NGFR: variants seen among roughly 807,000 people sequenced by gnomAD.
The protein encoded by NGFR is nerve growth factor receptor, also known as tumor necrosis factor receptor superfamily member 16.
A neutral mutation model predicts 43.2 loss-of-function variants in NGFR; 30 were observed. That is an observed-to-expected ratio of 0.69 (90% CI 0.52 to 0.94). NGFR has a LOEUF of 0.94. NGFR is among the 40% of genes least tolerant of loss of function. The pLI is 0.00. For missense variants in NGFR, 529 were observed against 602.5 expected (o/e 0.88, Z 1.28); for synonymous variants, 246 against 259.6 (o/e 0.95, Z 0.50).
At chr17:49,497,633 T>G (rs1678895407) in intron 1 of NGFR, 1 of 152,118 alleles carries the variant, frequency 6.6e-6, no homozygotes, top group African/African-American at 2.4e-5. Flanking sequence ...GCGGTCCGAG[T>G]TTCTTCCTGG....
At chr17:49,510,013 C>T (rs2071221394) in intron 3 of NGFR, among the ~76,000 whole-genome samples, 1 of 152,098 alleles carries the variant, frequency 6.6e-6, no homozygotes, top group African/African-American at 2.4e-5. Flanking sequence ...TGTGGTCAGG[C>T]TTCTTTGTGT....
In NGFR at chr17:49,512,959, G is replaced by A. The variant is rs775966498; in HGVS notation, c.1234G>A (p.Asp412Asn). The change falls in exon 6 of 6, where the codon GAC becomes AAC. Residue 412 changes from aspartate (D) to asparagine (N), a missense_variant. Asp to Asn is a conservative substitution (Grantham distance 23). Coordinates refer to ENST00000172229, the MANE Select transcript of NGFR (RefSeq NM_002507.4). The surrounding 1 kb of genome is among the most constrained non-coding windows in gnomAD (Gnocchi z 5.2). ...CGCCCTGCGCCGCATCCAGCGAGCC[G>A]ACCTCGTGGAGAGTCTGTGCAGTGA... ...LAALRRIQRA[D>N]LVESLCSEST... 11 of 1,607,776 alleles carry A rather than the reference G, an allele frequency of 6.8e-6. No homozygotes were observed. The East Asian group carries it at 8.9e-5, about 13-fold the overall frequency.
Position 49,512,563 on chromosome 17 carries a change from T to C in NGFR, c.983-145T>C. The C allele has an allele frequency of 9.6e-7, 1 of 1,044,524 alleles. No homozygotes were observed. Among genetic ancestry groups the C allele is most frequent in the Non-Finnish European group, 1.4e-6 (1 of 721,852 alleles). The allele number at this position is 1,044,524 out of a possible 1,614,324, so 64.7% of individuals were successfully genotyped here. The stretch of plus-strand genomic sequence containing the variant: ...CCCCCCAGGTGCCTTCACTTCCTGG[T>C]GCCCCACCCAGGACCTTGTCTTGGC... On this transcript the variant is annotated intron_variant, in intron 5 of 5. Coordinates refer to ENST00000172229, the MANE Select transcript of NGFR (RefSeq NM_002507.4). The surrounding 1 kb of genome is among the most constrained non-coding windows in gnomAD (Gnocchi z 5.2).
Position 49,506,249 on chromosome 17 carries a change from C to A in NGFR, c.209-50C>A, listed in dbSNP as rs1185388203. 3.3e-6 allele frequency: 5 copies of A among 1,508,906 alleles called. No homozygotes were observed. The African/African-American group carries it at 6.9e-5, about 21-fold the overall frequency. The allele number at this position is 1,508,906 out of a possible 1,614,324, so 93.5% of individuals were successfully genotyped here. On this transcript the variant is annotated intron_variant, in intron 2 of 5. Coordinates refer to ENST00000172229, the MANE Select transcript of NGFR (RefSeq NM_002507.4). ...AGGGAGAGACTCCAGCTCCTGCGTC[C>A]CGGGTGCCCAAAAGAGCAGACGACT...
intron 2 of NGFR, chr17:49,505,844 G>C (rs2071193104): frequency 6.1e-6 from 1 of 163,078 alleles, no homozygotes; most frequent in Admixed American, 6.3e-5. Context: ...AGGAACTGAA[G>C]GCAGATGAGG....
Position 49,513,097 on chromosome 17 carries a change from G to T in NGFR, c.*88G>T, listed in dbSNP as rs549229946. ...GTGGAGCCCGCACCCCCACCCTTTG[G>T]GGGGGGCCCGCCTGGCAGAACTGAG... On this transcript the variant is annotated 3_prime_UTR_variant, in exon 6 of 6. Coordinates refer to ENST00000172229, the MANE Select transcript of NGFR (RefSeq NM_002507.4). The T allele has an allele frequency of 1.1e-3, 1,460 of 1,366,120 alleles. No homozygotes were observed. Among genetic ancestry groups the T allele is most frequent in the Non-Finnish European group, 1.2e-3 (1,278 of 1,035,662 alleles). The allele number at this position is 1,366,120 out of a possible 1,614,324, so 84.6% of individuals were successfully genotyped here.
At chr17:49,510,930 C>T in intron 4 of NGFR, 1 of 491,208 alleles carries the variant, frequency 2.0e-6, no homozygotes, top group South Asian at 2.3e-5. Context: ...CCCTGACTCC[C>T]CACCCCCAAC....
At position 49,506,466 on chromosome 17, in the gene NGFR, C is replaced by T. The variant is rs1395979908; in HGVS notation, c.376C>T (p.Arg126Cys). 4 of 1,609,524 alleles carry T rather than the reference C, an allele frequency of 2.5e-6. No individual in the cohort carries two copies. In the African/African-American group the frequency reaches 4.0e-5, roughly 16 times the overall value. ...GACGACTGGGCGCTGCGAGGCGTGC[C>T]GCGTGTGCGAGGCGGGCTCGGGCCT... ...DETTGRCEAC[R>C]VCEAGSGLVF... The change falls in exon 3 of 6, where the codon CGC becomes TGC. Residue 126 changes from arginine (R) to cysteine (C), a missense_variant. Coordinates refer to ENST00000172229, the MANE Select transcript of NGFR (RefSeq NM_002507.4).
In NGFR at chr17:49,495,625, C is replaced by T. The variant is rs1839308551; in HGVS notation, c.66+142C>T. The T allele has an allele frequency of 1.4e-6, 1 of 732,778 alleles. No homozygotes were observed. Among genetic ancestry groups the T allele is most frequent in the Non-Finnish European group, 1.9e-6 (1 of 530,270 alleles). 45.4% of individuals were successfully genotyped at this position (732,778 alleles called of 1,614,324 possible). Reference sequence around the variant, plus strand: ...GGTGGTGGGAAAGGACCTCTGATGCCGGGACCACGAAGGAGGGTCTAGGGT... The same window carrying T: ...GGTGGTGGGAAAGGACCTCTGATGCTGGGACCACGAAGGAGGGTCTAGGGT... On this transcript the variant is annotated intron_variant, in intron 1 of 5. Coordinates refer to ENST00000172229, the MANE Select transcript of NGFR (RefSeq NM_002507.4). This position sits in a 1 kb window ranked among gnomAD's most constrained non-coding sequence, Gnocchi z 6.4.
intron 3 of NGFR, among the ~76,000 whole-genome samples, chr17:49,508,148 G>A (rs2071210672): frequency 1.3e-5 from 2 of 152,264 alleles, no homozygotes; most frequent in Admixed American, 1.3e-4. Flanking sequence ...CCAGGAGACA[G>A]GCAAGTGGCA....
chr17:49,508,237 TC>T (rs1414768163), intron 3 of NGFR, among the ~76,000 whole-genome samples: 6 of 152,124 alleles, frequency 3.9e-5, no homozygotes, highest in Non-Finnish European at 8.8e-5. Flanking sequence ...TGTAGGCAAG[TC>T]CAGACCAGCC....
intron 2 of NGFR, among the ~76,000 whole-genome samples, chr17:49,503,940 G>T (rs1280700670): frequency 1.3e-5 from 2 of 152,178 alleles, no homozygotes; most frequent in Non-Finnish European, 2.9e-5. Flanking sequence ...GGAGAGGGAA[G>T]TTCCAGAATC....
intron 1 of NGFR, among the ~76,000 whole-genome samples, chr17:49,500,309 A>G (rs951730787): frequency 3.9e-5 from 6 of 152,208 alleles, no homozygotes; most frequent in African/African-American, 1.4e-4. Flanking sequence ...TCGCTCTCCC[A>G]GAGTTCTGGT....
chr17:49,506,196 A>G (rs1198619737), intron 2 of NGFR, 103 bp from the exon 3 acceptor site: 1 of 1,488,202 alleles, frequency 6.7e-7, no homozygotes, highest in Non-Finnish European at 8.9e-7. Context: ...CTGAAGGAGG[A>G]AGTCAGCGTC....
At chr17:49,500,913 C>A (rs2071163673) in intron 1 of NGFR, among the ~76,000 whole-genome samples, 1 of 152,154 alleles carries the variant, frequency 6.6e-6, no homozygotes, top group South Asian at 2.1e-4. Flanking sequence ...AGTGTCTTGG[C>A]CATGATCTGG....
At chr17:49,501,999 A>AGGGGGGGCC in intron 1 of NGFR, 64 bp from the exon 2 acceptor site, 3 of 330,984 alleles carry the variant, frequency 9.1e-6, no homozygotes, top group Non-Finnish European at 1.2e-5. Flanking sequence ...TCCCCGGAAG[A>AGGGGGGGCC]ACCCCCCCCA....
At chr17:49,498,312 C>G (rs1312515443) in intron 1 of NGFR, among the ~76,000 whole-genome samples, 1 of 152,210 alleles carries the variant, frequency 6.6e-6, no homozygotes, top group Non-Finnish European at 1.5e-5. Context: ...ACGCAGAGGC[C>G]CTGCCCCCTC....
chr17:49,495,602 T>C lies in NGFR; in HGVS notation c.66+119T>C. ...TGGGGTCCCAGATACTGAGGGTGGG[T>C]GGTGGGAAAGGACCTCTGATGCCGG... is the stretch of plus-strand genomic sequence containing the variant. On this transcript the variant is annotated intron_variant, in intron 1 of 5. Transcript: ENST00000172229. The surrounding 1 kb of genome is among the most constrained non-coding windows in gnomAD (Gnocchi z 6.4). The C allele has an allele frequency of 3.3e-6, 3 of 907,814 alleles. No individual in the cohort carries two copies. The highest frequency in any genetic ancestry group is 4.3e-6 in the Non-Finnish European group (3 of 691,006). The allele number at this position is 907,814 out of a possible 1,614,324, so 56.2% of individuals were successfully genotyped here.
At chr17:49,507,091 C>G (rs1436763475) in intron 3 of NGFR, among the ~76,000 whole-genome samples, 4 of 152,166 alleles carry the variant, frequency 2.6e-5, no homozygotes. Context: ...GGAAGAGCAG[C>G]TTGAGGACCC....
Sources: allele counts gnomAD v4.1 joint callset (sites outside exome capture counted in the v4.1 genomes callset), GRCh38; gene constraint gnomAD v4.1.1; non-coding constraint Gnocchi (gnomAD v3.1); transcripts MANE v1.5; gene names NCBI Gene and HGNC (gene_info 2026-07-23, HGNC 2026-07-21).